Variants in HECW2 observed in about 807,000 individuals in gnomAD.
HECW2 encodes HECT, C2 and WW domain containing E3 ubiquitin protein ligase 2.
In HECW2, 61 loss-of-function variants were observed where a neutral mutation model predicts 175.2. The ratio of observed to expected loss-of-function variants is 0.35; its 90% CI spans 0.28 to 0.43. The LOEUF is 0.43. HECW2 is among the 20% of genes least tolerant of loss of function. The pLI is 1.00. For missense variants in HECW2, 1,524 were observed against 2,000.5 expected (o/e 0.76, Z 4.54); for synonymous variants, 671 against 731.0 (o/e 0.92, Z 1.32).
At chr2:196,475,030 A>G (rs1464640288) in intron 1 of HECW2, among the ~76,000 whole-genome samples, 2 of 152,112 alleles carry the variant, frequency 1.3e-5, no homozygotes, top group Non-Finnish European at 2.9e-5. Context: ...TGATACACCA[A>G]CAGTGGCTTG....
chr2:196,467,403 G>A (rs1216994548), intron 1 of HECW2, among the ~76,000 whole-genome samples: 2 of 152,060 alleles, frequency 1.3e-5, no homozygotes, highest in African/African-American at 4.8e-5. Flanking sequence ...AAGGGGAGGA[G>A]GAGCTGCTAT....
At chr2:196,387,720 G>A (rs1308977125) in intron 2 of HECW2, among the ~76,000 whole-genome samples, 1 of 151,962 alleles carries the variant, frequency 6.6e-6, no homozygotes, top group East Asian at 1.9e-4. Flanking sequence ...ATATCTCCAG[G>A]GATCAGAATC....
chr2:196,217,024 C>T lies in HECW2; in HGVS notation c.4478G>A (p.Arg1493Gln), dbSNP rs761816597. The change falls in exon 27 of 29, where the codon CGA (arginine) becomes CAA (glutamine). Residue 1493 changes from arginine (R) to glutamine (Q), a missense_variant. Physicochemically the swap from Arg to Gln is conservative, Grantham distance 43. Around this residue, in one of 11 missense-constraint regions of HECW2, gnomAD observed 134 missense variants for 287.8 expected, o/e 0.47. Transcript: ENST00000644978. ...AAVERFNNEQRLRLLQFVTGT... is the reference protein window; with the variant it reads ...AAVERFNNEQQLRLLQFVTGT... ...GCATCTCACCTGTAACAACCTTAGT[C>T]GTTGTTCATTGTTGAATCTTTCCAC... The T allele has an allele frequency of 2.0e-6, 3 of 1,528,618 alleles. No homozygotes were observed. The highest frequency in any genetic ancestry group is 2.5e-5 in the East Asian group (1 of 40,454). The allele number at this position is 1,528,618 out of a possible 1,614,324, so 94.7% of individuals were successfully genotyped here. A position where few individuals can be genotyped will look rare whatever the true frequency, so the allele number is the denominator to read the frequency against.
chr2:196,565,748 CTTTA>C (rs924739828), intron 1 of HECW2, among the ~76,000 whole-genome samples: 3 of 152,092 alleles, frequency 2.0e-5, no homozygotes, highest in African/African-American at 7.2e-5. Context: ...AGTTATCTTT[CTTTA>C]TTCAAAAATA....
At chr2:196,511,267 A>G (rs1190815542) in intron 1 of HECW2, among the ~76,000 whole-genome samples, 1 of 152,278 alleles carries the variant, frequency 6.6e-6, no homozygotes, top group East Asian at 1.9e-4. Flanking sequence ...TTAAATTCCT[A>G]AATGTGAAAT....
At chr2:196,232,726 T>C (rs916892445) in intron 21 of HECW2, among the ~76,000 whole-genome samples, 1 of 152,224 alleles carries the variant, frequency 6.6e-6, no homozygotes, top group East Asian at 1.9e-4. Context: ...CTGACCTCAC[T>C]GATTAGTTCC....
intron 17 of HECW2, among the ~76,000 whole-genome samples, chr2:196,269,858 T>C (rs886526558): frequency 3.3e-5 from 5 of 152,228 alleles, no homozygotes; most frequent in African/African-American, 7.2e-5. Context: ...ATCAGAATTA[T>C]ACAGAGAGGT....
intron 14 of HECW2, 122 bp from the exon 15 acceptor site, chr2:196,278,784 T>G: frequency 6.0e-6 from 7 of 1,165,686 alleles, no homozygotes; most frequent in Non-Finnish European, 8.6e-6. Flanking sequence ...TTCTCATAAT[T>G]TTCAATCTTT....
intron 6 of HECW2, among the ~76,000 whole-genome samples, chr2:196,323,589 G>T (rs938129794): frequency 6.6e-6 from 1 of 152,112 alleles, no homozygotes; most frequent in African/African-American, 2.4e-5. Flanking sequence ...ATGGAAAAAA[G>T]TACTTGCTTA....
intron 14 of HECW2, chr2:196,288,941 C>T (rs939585249): frequency 4.6e-5 from 7 of 152,220 alleles, no homozygotes; most frequent in African/African-American, 1.4e-4. Flanking sequence ...GGTCAATTCA[C>T]GTAATCATGC....
chr2:196,445,176 T>C (rs1248083974), intron 1 of HECW2, among the ~76,000 whole-genome samples: 2 of 152,262 alleles, frequency 1.3e-5, no homozygotes, highest in East Asian at 3.8e-4. Context: ...CCTGCCAGAC[T>C]ATAAGCTTTT....
At chr2:196,312,593 G>T (rs1449210287) in intron 10 of HECW2, among the ~76,000 whole-genome samples, 1 of 152,176 alleles carries the variant, frequency 6.6e-6, no homozygotes, top group Non-Finnish European at 1.5e-5. Flanking sequence ...ATACGGAGTT[G>T]CGGTCAGTGA....
intron 2 of HECW2, among the ~76,000 whole-genome samples, chr2:196,351,228 GA>G (rs1471353996): frequency 6.6e-6 from 1 of 151,504 alleles, no homozygotes; most frequent in African/African-American, 2.4e-5. Context: ...AATTTAAACA[GA>G]AAAACTTTAA....
chr2:196,454,514 A>C (rs1301119460), intron 1 of HECW2, among the ~76,000 whole-genome samples: 1 of 152,172 alleles, frequency 6.6e-6, no homozygotes, highest in East Asian at 1.9e-4. Context: ...TCATTATTGC[A>C]CACTTGCCTG....
At chr2:196,330,679 C>A (rs1220785478) in intron 4 of HECW2, among the ~76,000 whole-genome samples, 1 of 152,112 alleles carries the variant, frequency 6.6e-6, no homozygotes, top group Admixed American at 6.5e-5. Flanking sequence ...AACCTCCATG[C>A]GATATCTGAT....
At chr2:196,267,110 A>G (rs1003452530) in intron 17 of HECW2, among the ~76,000 whole-genome samples, 1 of 152,216 alleles carries the variant, frequency 6.6e-6, no homozygotes, top group Non-Finnish European at 1.5e-5. Context: ...GCCTGCTGCC[A>G]AAAATAATCA....
Position 196,215,995 on chromosome 2 carries a change from C to T in HECW2, c.4495-18G>A, listed in dbSNP as rs1687462692. The T allele has an allele frequency of 6.4e-7, 1 of 1,572,170 alleles. No homozygotes were observed. Among genetic ancestry groups the T allele is most frequent in the Non-Finnish European group, 8.8e-7 (1 of 1,142,574 alleles). On this transcript the variant is annotated intron_variant, in intron 27 of 28. Coordinates refer to ENST00000644978, the MANE Select transcript of HECW2 (RefSeq NM_001348768.2). ...GTAACAAACTGTCAACCCAAGAAAA[C>T]AGAAGGAGAAGGTGAAGCCAGAGAC...
intron 1 of HECW2, among the ~76,000 whole-genome samples, chr2:196,513,267 T>C (rs1014198356): frequency 2.8e-4 from 43 of 152,266 alleles, no homozygotes; most frequent in African/African-American, 8.7e-4. Flanking sequence ...TATTCACACT[T>C]TGGGAGGCTA....
intron 10 of HECW2, 134 bp from the exon 11 acceptor site, chr2:196,308,219 C>T: frequency 3.7e-6 from 2 of 544,958 alleles, no homozygotes; most frequent in Non-Finnish European, 3.0e-6. Context: ...TCTCACTGCA[C>T]TATCCCATAC....
Sources: allele counts gnomAD v4.1 joint callset (sites outside exome capture counted in the v4.1 genomes callset), GRCh38; gene constraint gnomAD v4.1.1; regional missense constraint gnomAD v4.1.1; transcripts MANE v1.5; gene names NCBI Gene and HGNC (gene_info 2026-07-23, HGNC 2026-07-21).